MICU1: variants seen among roughly 807,000 people sequenced by gnomAD.
MICU1 encodes the protein calcium uptake protein 1, mitochondrial.
Under a neutral mutation model 56.8 loss-of-function variants are expected in MICU1, and 45 were observed. The ratio of observed to expected loss-of-function variants is 0.79; its 90% CI spans 0.62 to 1.02. The LOEUF (loss-of-function observed/expected upper bound fraction) is 1.02, where lower values mean the gene tolerates loss of function less well. MICU1 is among the 50% of genes least tolerant of loss of function. MICU1 has a pLI of 0.00. For synonymous variants in MICU1, 186 were observed against 195.1 expected (o/e 0.95, Z 0.39); for missense variants, 504 against 587.1 (o/e 0.86, Z 1.46).
Position 72,569,225 on chromosome 10 carries a change from A to ATTTTTTTTTTTT in MICU1, c.-1-2432_-1-2431insAAAAAAAAAAAA, listed in dbSNP as rs1320606721. ...TATATGCATATATATATATATATAT[A>ATTTTTTTTTTTT]TATATATATATATTTTTTTTTTTTT... On this transcript the variant is annotated intron_variant, in intron 1 of 11. Transcript: ENST00000361114. 7.4e-5 allele frequency among the ~76,000 whole-genome samples: 3 copies of ATTTTTTTTTTTT among 40,504 alleles called. 1 individual carries two copies. Among genetic ancestry groups the ATTTTTTTTTTTT allele is most frequent in the African/African-American group, 3.6e-4 (3 of 8,450 alleles). 26.6% of individuals were successfully genotyped at this position (40,504 alleles called of 152,430 possible).
intron 1 of MICU1, among the ~76,000 whole-genome samples, chr10:72,584,092 C>T (rs575947629): frequency 4.6e-5 from 7 of 152,152 alleles, no homozygotes; most frequent in Non-Finnish European, 8.8e-5. Context: ...AGAAGCTTTG[C>T]ACATGTTCTG....
intron 8 of MICU1, among the ~76,000 whole-genome samples, chr10:72,455,802 C>A (rs1039781184): frequency 2.0e-5 from 3 of 151,882 alleles, no homozygotes; most frequent in African/African-American, 7.3e-5. Context: ...AGGGACTAAA[C>A]CTCTATATCC....
intron 1 of MICU1, among the ~76,000 whole-genome samples, chr10:72,572,783 C>T (rs1299776935): frequency 6.6e-6 from 1 of 152,040 alleles, no homozygotes. Flanking sequence ...ACCCATCAAA[C>T]GGGCAAAAAT....
intron 3 of MICU1, among the ~76,000 whole-genome samples, chr10:72,551,606 T>C (rs1457896900): frequency 6.6e-6 from 1 of 152,202 alleles, no homozygotes; most frequent in African/African-American, 2.4e-5. Flanking sequence ...AAAACTTTTT[T>C]TGAAGAATTT....
rs190576990 is a variant in MICU1, at chr10:72,567,702, A to G, written c.-1-908T>C. ...GGAGGCAGTTTCACTAGGAAATTGC[A>G]TATGAGAGTTGCTGCTAAAACTCCT... On this transcript the variant is annotated intron_variant, in intron 1 of 11. Transcript: ENST00000361114. Among the ~76,000 whole-genome samples, 160 of 152,322 alleles carry G rather than the reference A, an allele frequency of 1.1e-3. 1 individual carries two copies. The highest frequency in any genetic ancestry group is 0.01 in the Middle Eastern group (3 of 294).
intron 10 of MICU1, among the ~76,000 whole-genome samples, chr10:72,396,610 A>G (rs1177376998): frequency 1.3e-5 from 2 of 152,220 alleles, no homozygotes; most frequent in Non-Finnish European, 2.9e-5. Flanking sequence ...GGAGCTGAAA[A>G]CCATGGCATG....
intron 5 of MICU1, among the ~76,000 whole-genome samples, chr10:72,511,339 C>A (rs971315904): frequency 6.6e-6 from 1 of 152,132 alleles, no homozygotes; most frequent in Non-Finnish European, 1.5e-5. Context: ...ATGTTGAAAT[C>A]CCCAAAGATC....
intron 8 of MICU1, among the ~76,000 whole-genome samples, chr10:72,433,000 C>T (rs191536336): frequency 4.6e-5 from 7 of 152,300 alleles, no homozygotes; most frequent in East Asian, 3.9e-4. Flanking sequence ...TGCAGTGACA[C>T]GATCTCGGCT....
intron 6 of MICU1, among the ~76,000 whole-genome samples, chr10:72,501,999 T>C (rs139542743): frequency 6.6e-6 from 1 of 152,336 alleles, no homozygotes; most frequent in East Asian, 1.9e-4. Flanking sequence ...TTCCTATATG[T>C]AGTTGTTGAC....
At chr10:72,417,379 A>G (rs568275853) in intron 9 of MICU1, among the ~76,000 whole-genome samples, 1 of 150,778 alleles carries the variant, frequency 6.6e-6, no homozygotes, top group East Asian at 2.0e-4. Flanking sequence ...GCATGAACCC[A>G]GGAGGCGGAG....
At chr10:72,431,774 T>C (rs1440553391) in intron 8 of MICU1, among the ~76,000 whole-genome samples, 1 of 152,202 alleles carries the variant, frequency 6.6e-6, no homozygotes, top group African/African-American at 2.4e-5. Context: ...ATGCTCCCAA[T>C]GTAGTCTGCC....
intron 8 of MICU1, among the ~76,000 whole-genome samples, chr10:72,448,251 T>TAAACATTACATTGGAAA (rs1865185944): frequency 1.5e-5 from 2 of 129,228 alleles, no homozygotes; most frequent in East Asian, 5.1e-4. Flanking sequence ...CGAGGCTCAC[T>TAAACATTACATTGGAAA]GCAACCTCCG....
intron 1 of MICU1, among the ~76,000 whole-genome samples, chr10:72,595,447 C>CAAA (rs1255926638): frequency 2.4e-5 from 1 of 41,154 alleles, no homozygotes; most frequent in African/African-American, 8.4e-5. Context: ...GACTCTGTCT[C>CAAA]AAAAAAAAAA....
intron 1 of MICU1, among the ~76,000 whole-genome samples, chr10:72,592,326 A>G (rs1413336817): frequency 1.3e-5 from 2 of 150,844 alleles, no homozygotes; most frequent in African/African-American, 2.5e-5. Context: ...TGTTTCAAGG[A>G]AAAAAAAAAG....
At chr10:72,491,261 T>A (rs1220023334) in intron 6 of MICU1, among the ~76,000 whole-genome samples, 1 of 152,220 alleles carries the variant, frequency 6.6e-6, no homozygotes. Flanking sequence ...CAATTTCTTT[T>A]CATTAGAATC....
chr10:72,435,901 C>T (rs570868123), intron 8 of MICU1, among the ~76,000 whole-genome samples: 107 of 152,356 alleles, frequency 7.0e-4, no homozygotes, highest in South Asian at 3.5e-3. Flanking sequence ...TTGAACTGGG[C>T]GAAGCCCACC....
At chr10:72,485,449 T>G (rs1274122003) in intron 6 of MICU1, among the ~76,000 whole-genome samples, 1 of 151,960 alleles carries the variant, frequency 6.6e-6, no homozygotes, top group African/African-American at 2.4e-5. Flanking sequence ...AAATCAGGAT[T>G]ATATAATTAA....
chr10:72,375,435 C>T (rs1199695885), intron 11 of MICU1, among the ~76,000 whole-genome samples: 1 of 152,178 alleles, frequency 6.6e-6, no homozygotes, highest in Non-Finnish European at 1.5e-5. Flanking sequence ...ATCAGTACTG[C>T]CTTCTTTCTA....
At chr10:72,378,880 G>A (rs368120364) in intron 10 of MICU1, among the ~76,000 whole-genome samples, 1 of 152,244 alleles carries the variant, frequency 6.6e-6, no homozygotes, top group East Asian at 1.9e-4. Context: ...AGGGTTTATT[G>A]GTGTCATCTA....
Sources: gnomAD v4.1 joint callset for allele counts (sites outside exome capture counted in the v4.1 genomes callset) on GRCh38, gnomAD v4.1.1 for gene constraint, MANE v1.5 for transcripts, NCBI Gene and HGNC (gene_info 2026-07-23, HGNC 2026-07-21) for gene names.